Variants in HECW1 observed in about 807,000 individuals in gnomAD.
HECW1 encodes E3 ubiquitin-protein ligase HECW1.
HECW1 carries 61 observed loss-of-function variants against 182.3 expected under a neutral mutation model. That is an observed-to-expected ratio of 0.33 (90% CI 0.27 to 0.41). The LOEUF (loss-of-function observed/expected upper bound fraction) is 0.41, where lower values mean the gene tolerates loss of function less well. HECW1 is among the 10% of genes least tolerant of loss of function. The pLI is 1.00. For synonymous variants in HECW1, 859 were observed against 832.6 expected, an observed-to-expected ratio of 1.03 and a Z score of -0.55; for missense variants, 1,739 against 2,108.9, an observed-to-expected ratio of 0.82 and a Z score of 3.44.
At chr7:43,166,530 T>C (rs370706641) in intron 2 of HECW1, among the ~76,000 whole-genome samples, 5 of 152,202 alleles carry the variant, frequency 3.3e-5, no homozygotes, top group African/African-American at 1.2e-4. Context: ...CCAACTCTTA[T>C]TATTACTGAT....
At chr7:43,261,327 T>G (rs1801150834) in intron 3 of HECW1, among the ~76,000 whole-genome samples, 1 of 152,250 alleles carries the variant, frequency 6.6e-6, no homozygotes, top group African/African-American at 2.4e-5. Context: ...GTTGCTGTGC[T>G]GTGAGTAGCA....
chr7:43,291,785 T>C (rs975072341), intron 3 of HECW1, among the ~76,000 whole-genome samples: 4 of 152,246 alleles, frequency 2.6e-5, no homozygotes, highest in African/African-American at 9.6e-5. Context: ...ATATCTCATC[T>C]GTTCATGGGG....
chr7:43,131,138 C>T (rs1172852829), intron 2 of HECW1, among the ~76,000 whole-genome samples: 2 of 152,080 alleles, frequency 1.3e-5, no homozygotes, highest in Admixed American at 6.5e-5. Flanking sequence ...TGGTGGCACA[C>T]GCGTGTAATC....
chr7:43,422,011 T>G (rs1203174177), intron 8 of HECW1, among the ~76,000 whole-genome samples: 1 of 152,182 alleles, frequency 6.6e-6, no homozygotes, highest in African/African-American at 2.4e-5. Flanking sequence ...CTCCCTACAG[T>G]ATGTTTAAAC....
chr7:43,193,298 C>T (rs1794113755), intron 2 of HECW1, among the ~76,000 whole-genome samples: 1 of 152,186 alleles, frequency 6.6e-6, no homozygotes. Context: ...TGACCTGTAT[C>T]TTGAGAAACC....
At chr7:43,551,999 C>T (rs964318895) in intron 27 of HECW1, among the ~76,000 whole-genome samples, 2 of 152,100 alleles carry the variant, frequency 1.3e-5, no homozygotes, top group Non-Finnish European at 2.9e-5. Context: ...CCTCCTAATA[C>T]GATCCCCTCA....
chr7:43,292,660 T>C (rs1308404455), intron 3 of HECW1, among the ~76,000 whole-genome samples: 3 of 152,124 alleles, frequency 2.0e-5, no homozygotes, highest in African/African-American at 4.8e-5. Context: ...GCTAGGAAGG[T>C]GACCTTTGGT....
At chr7:43,240,677 G>C (rs1798796817) in intron 2 of HECW1, among the ~76,000 whole-genome samples, 1 of 152,204 alleles carries the variant, frequency 6.6e-6, no homozygotes, top group Non-Finnish European at 1.5e-5. Flanking sequence ...AGCTGTGGCA[G>C]AGCATCAGGC....
chr7:43,356,811 A>G (rs1815201137), intron 5 of HECW1, among the ~76,000 whole-genome samples: 1 of 149,952 alleles, frequency 6.7e-6, no homozygotes, highest in Non-Finnish European at 1.5e-5. Context: ...AATTAAGAAA[A>G]AAGTTTTAAA....
rs745583907 is a variant in HECW1 at position 43,450,846 on chromosome 7, A to G, written c.2417A>G (p.His806Arg). The G allele has an allele frequency of 3.7e-6, 6 of 1,610,604 alleles. No individual in the cohort carries two copies. The highest frequency in any genetic ancestry group is 5.1e-6 in the Non-Finnish European group (6 of 1,176,784). Reference protein sequence around the residue: ...NRREGECPILHNSQPVSQLPS... With the variant: ...NRREGECPILRNSQPVSQLPS... Reference sequence around the variant, plus strand: ...TCCGTAGGTGAATGTCCTATACTCCATAATTCCCAGCCAGTAAGCCAGCTT... The same window carrying G: ...TCCGTAGGTGAATGTCCTATACTCCGTAATTCCCAGCCAGTAAGCCAGCTT... The change falls in exon 12 of 30, where the codon CAT (histidine) becomes CGT (arginine). Residue 806 changes from histidine to arginine, a missense_variant. By Grantham distance (29) the His-to-Arg change is conservative. Transcript: ENST00000395891.
At chr7:43,206,920 A>G (rs1409741932) in intron 2 of HECW1, among the ~76,000 whole-genome samples, 3 of 152,220 alleles carry the variant, frequency 2.0e-5, no homozygotes, top group Non-Finnish European at 2.9e-5. Context: ...GACTTGCTAA[A>G]TATATAATTC....
chr7:43,342,130 C>A (rs1171088991), intron 5 of HECW1, among the ~76,000 whole-genome samples: 1 of 151,814 alleles, frequency 6.6e-6, no homozygotes, highest in Non-Finnish European at 1.5e-5. Context: ...GCCTGAAAAG[C>A]TTTAACATTT....
At chr7:43,445,915 AG>A (rs1286214049) in intron 11 of HECW1, among the ~76,000 whole-genome samples, 1 of 152,256 alleles carries the variant, frequency 6.6e-6, no homozygotes, top group Non-Finnish European at 1.5e-5. Flanking sequence ...CCCCAAGACT[AG>A]TATCAAATGA....
At chr7:43,392,746 T>G (rs1198222233) in intron 6 of HECW1, among the ~76,000 whole-genome samples, 1 of 152,122 alleles carries the variant, frequency 6.6e-6, no homozygotes, top group Admixed American at 6.5e-5. Context: ...TTTCATGCAG[T>G]GATACTGTGC....
At chr7:43,277,654 T>C (rs1803328671) in intron 3 of HECW1, among the ~76,000 whole-genome samples, 1 of 152,172 alleles carries the variant, frequency 6.6e-6, no homozygotes, top group Admixed American at 6.5e-5. Flanking sequence ...CTCCCAGATC[T>C]TGTCATCTCC....
chr7:43,184,608 C>T (rs974994763), intron 2 of HECW1, among the ~76,000 whole-genome samples: 2 of 152,126 alleles, frequency 1.3e-5, no homozygotes, highest in Non-Finnish European at 2.9e-5. Context: ...GGACTTTCAG[C>T]ATTACCCCTC....
intron 26 of HECW1, among the ~76,000 whole-genome samples, chr7:43,550,131 A>G (rs1053795166): frequency 6.6e-6 from 1 of 151,848 alleles, no homozygotes; most frequent in African/African-American, 2.4e-5. Flanking sequence ...AAGAAGAAAG[A>G]AAAAAAATTA....
intron 12 of HECW1, among the ~76,000 whole-genome samples, chr7:43,454,036 G>T (rs1021220805): frequency 6.6e-6 from 1 of 152,152 alleles, no homozygotes; most frequent in Non-Finnish European, 1.5e-5. Context: ...TGACAAAAGA[G>T]CCCAGCTGTT....
chr7:43,297,083 C>T (rs965373174), intron 3 of HECW1, among the ~76,000 whole-genome samples: 2 of 152,268 alleles, frequency 1.3e-5, no homozygotes, highest in Middle Eastern at 3.4e-3. Flanking sequence ...AGGAAGAAGG[C>T]TGTTTTATTT....
Sources: gnomAD v4.1 joint callset for allele counts (sites outside exome capture counted in the v4.1 genomes callset) on GRCh38, gnomAD v4.1.1 for gene constraint, MANE v1.5 for transcripts, NCBI Gene and HGNC (gene_info 2026-07-23, HGNC 2026-07-21) for gene names.